The following SCARB2 variants were observed in gnomAD, a reference collection of about 807,000 sequenced individuals.
SCARB2 encodes lysosome membrane protein 2.
SCARB2 carries 29 observed loss-of-function variants against 58.6 expected under a neutral mutation model. That is an observed-to-expected ratio of 0.49 (90% CI 0.37 to 0.67). The LOEUF is 0.67. Among genes scored for constraint, SCARB2 ranks in the 30% least tolerant of loss-of-function variants. SCARB2 has a pLI of 0.00. For missense variants in SCARB2, 488 were observed against 578.5 expected (o/e 0.84, Z 1.60); for synonymous variants, 195 against 210.1 (o/e 0.93, Z 0.62).
Position 76,161,699 on chromosome 4 carries a change from A to C in SCARB2, c.*14T>G. On this transcript the variant is annotated 3_prime_UTR_variant, in exon 12 of 12. Transcript: ENST00000264896. ...GACAGCTCACACAGTTTCTTCACCA[A>C]GCAAAGGCAATGTTTAGGTTCGAAT... is the stretch of plus-strand genomic sequence containing the variant. The C allele has an allele frequency of 6.2e-7, 1 of 1,614,124 alleles. No individual in the cohort carries two copies. Among genetic ancestry groups the C allele is most frequent in the Non-Finnish European group, 8.5e-7 (1 of 1,179,974 alleles).
chr4:76,233,183 C>T (rs999665539), intron 1 of SCARB2, among the ~76,000 whole-genome samples: 1 of 152,148 alleles, frequency 6.6e-6, no homozygotes, highest in East Asian at 1.9e-4. Flanking sequence ...GAATTTTTAA[C>T]GTTAATTTAA....
intron 1 of SCARB2, among the ~76,000 whole-genome samples, chr4:76,206,147 A>C (rs1732926849): frequency 6.6e-6 from 1 of 152,130 alleles, no homozygotes; most frequent in African/African-American, 2.4e-5. Context: ...GAGTGAGAAG[A>C]CCATAATCTA....
chr4:76,220,340 A>C (rs891009580), intron 1 of SCARB2, among the ~76,000 whole-genome samples: 1 of 152,232 alleles, frequency 6.6e-6, no homozygotes. Context: ...AAAAGGAAAG[A>C]AATAGGCTGG....
At chr4:76,198,526 G>C (rs1404016417) in intron 1 of SCARB2, among the ~76,000 whole-genome samples, 1 of 152,186 alleles carries the variant, frequency 6.6e-6, no homozygotes, top group African/African-American at 2.4e-5. Context: ...CAAAGCAAAT[G>C]AAAAACAAGA....
intron 1 of SCARB2, among the ~76,000 whole-genome samples, chr4:76,222,847 T>C (rs1167024975): frequency 6.6e-6 from 1 of 152,168 alleles, no homozygotes; most frequent in Non-Finnish European, 1.5e-5. Flanking sequence ...GGAGGACTAG[T>C]AAGCCCCAGC....
chr4:76,160,218 AT>A lies in SCARB2; in HGVS notation c.*1494del, dbSNP rs1731868543. The A allele has an allele frequency of 6.6e-6, 1 of 152,172 alleles. No homozygotes were observed. Among genetic ancestry groups the A allele is most frequent in the Non-Finnish European group, 1.5e-5 (1 of 68,032 alleles). 9.4% of individuals were successfully genotyped at this position (152,172 alleles called of 1,614,324 possible). On this transcript the variant is annotated 3_prime_UTR_variant, in exon 12 of 12. Transcript: ENST00000264896. ...AAGAAGCTATGGAAATGAAATCTAT[AT>A]TTTTTTCTTCATTTGCTTACATTGA...
At chr4:76,217,606 C>A, upstream of SCARB2, 1 of 575,900 alleles carries the variant, frequency 1.7e-6, no homozygotes. Flanking sequence ...GGCCCTCATC[C>A]AATGCAGATG....
chr4:76,214,167 G>C, upstream of SCARB2: 1 of 452,208 alleles, frequency 2.2e-6, no homozygotes, highest in South Asian at 1.6e-5. Flanking sequence ...GATTCAAGGT[G>C]GCTGGGACAT....
chr4:76,169,446 A>T (rs898437214), intron 8 of SCARB2, among the ~76,000 whole-genome samples: 1 of 152,218 alleles, frequency 6.6e-6, no homozygotes, highest in Admixed American at 6.5e-5. Context: ...ACTGAGGTTA[A>T]TATACATATT....
chr4:76,219,734 G>A (rs1486916575), intron 1 of SCARB2, among the ~76,000 whole-genome samples: 1 of 152,054 alleles, frequency 6.6e-6, no homozygotes, highest in Admixed American at 6.6e-5. Context: ...GTAGTGGAAT[G>A]GGGAATGGGG....
chr4:76,186,913 G>A lies in SCARB2; in HGVS notation c.276-5812C>T, dbSNP rs556171835. On this transcript the variant is annotated intron_variant, in intron 2 of 11. Coordinates refer to ENST00000264896, the MANE Select transcript of SCARB2 (RefSeq NM_005506.4). ...TCTAAAAACACTATCAGAGAAAAGCGAGGCAAGTTTAGAAAAAAGGAGAAA... is the reference window on the plus strand; with the variant it reads ...TCTAAAAACACTATCAGAGAAAAGCAAGGCAAGTTTAGAAAAAAGGAGAAA... 2.6e-5 allele frequency among the ~76,000 whole-genome samples: 4 copies of A among 152,050 alleles called. No individual in the cohort carries two copies. In the South Asian group the frequency reaches 8.3e-4, roughly 32 times the overall value.
At chr4:76,216,251 T>A (rs1211123851), upstream of SCARB2, among the ~76,000 whole-genome samples, 2 of 152,170 alleles carry the variant, frequency 1.3e-5, no homozygotes, top group African/African-American at 4.8e-5. Context: ...AACCCTCACA[T>A]GTCCCCTACC....
intron 2 of SCARB2, among the ~76,000 whole-genome samples, chr4:76,183,204 T>A (rs1237480469): frequency 6.6e-6 from 1 of 152,220 alleles, no homozygotes; most frequent in African/African-American, 2.4e-5. Flanking sequence ...CTGAGACTTC[T>A]GGTCACCAAG....
chr4:76,190,970 T>C (rs1220597421), intron 2 of SCARB2, among the ~76,000 whole-genome samples: 1 of 152,214 alleles, frequency 6.6e-6, no homozygotes, highest in Non-Finnish European at 1.5e-5. Context: ...AAAAAAAGAT[T>C]GTAAAGTATC....
At position 76,159,158 on chromosome 4, in the gene SCARB2, G is replaced by A. The variant is rs183892029; in HGVS notation, c.*2555C>T. 2.0e-5 allele frequency: 3 copies of A among 152,294 alleles called. No homozygotes were observed. Among genetic ancestry groups the A allele is most frequent in the Admixed American group, 2.0e-4 (3 of 15,302 alleles). The allele number at this position is 152,294 out of a possible 1,614,324, so 9.4% of individuals were successfully genotyped here. A position where few individuals can be genotyped will look rare whatever the true frequency, so the allele number is the denominator to read the frequency against. On this transcript the variant is annotated 3_prime_UTR_variant, in exon 12 of 12. Transcript: ENST00000264896. ...CTGAGAGAAGTGAGTTAAGCTCTCTGTCTTGGTTTCTTCCTCTCTAAGTTG... is the reference window on the plus strand; with the variant it reads ...CTGAGAGAAGTGAGTTAAGCTCTCTATCTTGGTTTCTTCCTCTCTAAGTTG...
chr4:76,208,443 C>T (rs567683796), intron 1 of SCARB2, among the ~76,000 whole-genome samples: 1 of 152,198 alleles, frequency 6.6e-6, no homozygotes, highest in Admixed American at 6.5e-5. Flanking sequence ...CTGAGCCAAT[C>T]ACATTGCTCC....
At chr4:76,204,637 C>T (rs1377399968) in intron 1 of SCARB2, among the ~76,000 whole-genome samples, 1 of 151,750 alleles carries the variant, frequency 6.6e-6, no homozygotes, top group Non-Finnish European at 1.5e-5. Context: ...AAATTGGGAG[C>T]GGGAGGGGAA....
rs76934511 is a variant in SCARB2, at chr4:76,179,053, G to GT, written c.612+463dup. 1,206 of 137,976 alleles carry GT rather than the reference G, an allele frequency of 8.7e-3. 9 individuals are homozygous for GT. Among genetic ancestry groups the GT allele is most frequent in the Non-Finnish European group, 0.01 (702 of 66,882 alleles). 8.5% of individuals were successfully genotyped at this position (137,976 alleles called of 1,614,324 possible). The stretch of plus-strand genomic sequence containing the variant: ...GGTTTTTGTTTTTGTTTTTGTTTTT[G>GT]TTTTTTTTTTGGCTTTTTTAGACAG... On this transcript the variant is annotated intron_variant, in intron 4 of 11. Coordinates refer to ENST00000264896, the MANE Select transcript of SCARB2 (RefSeq NM_005506.4).
chr4:76,210,383 C>T (rs1733020288), intron 1 of SCARB2, among the ~76,000 whole-genome samples: 1 of 152,206 alleles, frequency 6.6e-6, no homozygotes, highest in African/African-American at 2.4e-5. Flanking sequence ...AAAATGATCA[C>T]AGGCGAGTGA....
Sources: allele counts gnomAD v4.1 joint callset (sites outside exome capture counted in the v4.1 genomes callset), GRCh38; gene constraint gnomAD v4.1.1; transcripts MANE v1.5; gene names NCBI Gene and HGNC (gene_info 2026-07-23, HGNC 2026-07-21).